NBAS: variants seen among roughly 807,000 people sequenced by gnomAD.
The protein encoded by NBAS is NBAS subunit of NRZ tethering complex.
Under a neutral mutation model 302.5 loss-of-function variants are expected in NBAS, and 219 were observed. The observed-to-expected ratio is 0.72, with a 90% CI of 0.65 to 0.81. NBAS has a LOEUF of 0.81. NBAS is among the 30% of genes least tolerant of loss of function. The pLI is 0.00. For synonymous variants in NBAS, 1,118 were observed against 1,021.6 expected (o/e 1.09, Z -1.80); for missense variants, 2,932 against 2,841.6 (o/e 1.03, Z -0.72).
intron 21 of NBAS, among the ~76,000 whole-genome samples, chr2:15,446,994 A>C (rs1010978721): frequency 1.3e-5 from 2 of 152,146 alleles, no homozygotes; most frequent in African/African-American, 4.8e-5. Flanking sequence ...AAAAAGGGAA[A>C]CAATGAAAAA....
the NBAS span, among the ~76,000 whole-genome samples, chr2:15,147,850 G>C: frequency 6.6e-6 from 1 of 152,062 alleles, no homozygotes; most frequent in Non-Finnish European, 1.5e-5. Flanking sequence ...TCATTTCCTG[G>C]GTCTCCTGTC....
the NBAS span, among the ~76,000 whole-genome samples, chr2:15,010,034 T>G: frequency 6.6e-6 from 1 of 152,062 alleles, no homozygotes; most frequent in Non-Finnish European, 1.5e-5. Flanking sequence ...ATAAGCAATG[T>G]CCCTAGAGAG....
intron 44 of NBAS, among the ~76,000 whole-genome samples, chr2:15,266,915 T>A (rs1169197406): frequency 6.6e-6 from 1 of 152,342 alleles, no homozygotes; most frequent in South Asian, 2.1e-4. Flanking sequence ...TTGAAAGCCA[T>A]ATCAATCTTT....
At chr2:15,493,504 C>CA (rs1680948611) in intron 11 of NBAS, among the ~76,000 whole-genome samples, 1 of 151,710 alleles carries the variant, frequency 6.6e-6, no homozygotes, top group African/African-American at 2.4e-5. Flanking sequence ...CCCATCTCTA[C>CA]AAAAATACAA....
At chr2:15,393,803 G>A (rs1445694476) in intron 28 of NBAS, 2 of 450,454 alleles carry the variant, frequency 4.4e-6, no homozygotes, top group Non-Finnish European at 9.1e-6. Context: ...ACACAACATG[G>A]ATGAATCACA....
At chr2:15,431,718 G>A (rs987469228) in intron 21 of NBAS, among the ~76,000 whole-genome samples, 1 of 152,140 alleles carries the variant, frequency 6.6e-6, no homozygotes, top group Non-Finnish European at 1.5e-5. Flanking sequence ...TCTACGGTCT[G>A]AGAGTGAGAA....
intron 47 of NBAS, among the ~76,000 whole-genome samples, chr2:15,224,684 A>G (rs1164935102): frequency 6.6e-6 from 1 of 152,226 alleles, no homozygotes. Flanking sequence ...CCTTTAGACA[A>G]GGCCTAGGTG....
chr2:14,787,527 A>T, the NBAS span, among the ~76,000 whole-genome samples: 4 of 152,256 alleles, frequency 2.6e-5, no homozygotes, highest in Middle Eastern at 3.4e-3. Context: ...ATGGTGACAT[A>T]ATCTCTCAGC....
intron 44 of NBAS, among the ~76,000 whole-genome samples, chr2:15,267,677 T>C (rs1303232672): frequency 1.3e-5 from 2 of 152,192 alleles, no homozygotes; most frequent in Non-Finnish European, 2.9e-5. Flanking sequence ...GTAATGTATA[T>C]ACCAAAAATT....
chr2:15,054,411 G>C, the NBAS span, among the ~76,000 whole-genome samples: 2 of 152,176 alleles, frequency 1.3e-5, no homozygotes, highest in African/African-American at 4.8e-5. Context: ...AGAAGGAGAA[G>C]GTGATCACAA....
intron 7 of NBAS, among the ~76,000 whole-genome samples, chr2:15,537,134 G>A (rs10164574): frequency 0.62 from 93,739 of 151,866 alleles, 29,785 homozygotes; most frequent in Non-Finnish European, 0.68. Context: ...CGAATATGCC[G>A]ACCCAAAATA....
At chr2:15,396,556 G>C in intron 26 of NBAS, 81 bp from the exon 27 acceptor site, 1 of 924,298 alleles carries the variant, frequency 1.1e-6, no homozygotes, top group Non-Finnish European at 1.6e-6. Context: ...TTAATGAAGT[G>C]AAAAAAAGAT....
chr2:15,102,897 C>A, the NBAS span, among the ~76,000 whole-genome samples: 2 of 151,800 alleles, frequency 1.3e-5, no homozygotes, highest in Non-Finnish European at 2.9e-5. Flanking sequence ...GGCATCTGTT[C>A]CAGCCAGGTA....
At chr2:15,149,438 T>A in the NBAS span, among the ~76,000 whole-genome samples, 2 of 152,248 alleles carry the variant, frequency 1.3e-5, no homozygotes, top group African/African-American at 4.8e-5. Flanking sequence ...TATTTTATAG[T>A]AACCTCTGAT....
At chr2:15,251,649 C>A (rs1668369749) in intron 44 of NBAS, among the ~76,000 whole-genome samples, 1 of 152,062 alleles carries the variant, frequency 6.6e-6, no homozygotes, top group African/African-American at 2.4e-5. Flanking sequence ...ATAGGATAAC[C>A]TTCTGACATC....
At chr2:14,963,222 C>T in the NBAS span, among the ~76,000 whole-genome samples, 6 of 152,046 alleles carry the variant, frequency 3.9e-5, no homozygotes, top group Non-Finnish European at 7.4e-5. Flanking sequence ...GAACCAAGAT[C>T]GCGACCCAGC....
chr2:14,942,729 G>A, the NBAS span, among the ~76,000 whole-genome samples: 1 of 152,198 alleles, frequency 6.6e-6, no homozygotes, highest in Non-Finnish European at 1.5e-5. Flanking sequence ...AGAAGCCAAG[G>A]ACCACAGAAA....
intron 44 of NBAS, among the ~76,000 whole-genome samples, chr2:15,248,908 CT>C (rs1229170806): frequency 6.6e-6 from 1 of 152,156 alleles, no homozygotes; most frequent in Non-Finnish European, 1.5e-5. Context: ...ACCATTCCTT[CT>C]GAAACTATCC....
chr2:15,233,402 C>A (rs1395551231), intron 46 of NBAS, among the ~76,000 whole-genome samples: 1 of 151,980 alleles, frequency 6.6e-6, no homozygotes, highest in African/African-American at 2.4e-5. Context: ...ACTATTCCAT[C>A]GTATTTTAAT....
Sources: gnomAD v4.1 joint callset for allele counts (sites outside exome capture counted in the v4.1 genomes callset) on GRCh38, gnomAD v4.1.1 for gene constraint, MANE v1.5 for transcripts, NCBI Gene and HGNC (gene_info 2026-07-23, HGNC 2026-07-21) for gene names.